BEND7: variants seen among roughly 807,000 people sequenced by gnomAD.
BEND7 encodes BEN domain-containing protein 7.
Under a neutral mutation model 50.9 loss-of-function variants are expected in BEND7, and 28 were observed. The ratio of observed to expected loss-of-function variants is 0.55; its 90% CI spans 0.41 to 0.75. The LOEUF is 0.75. BEND7 is among the 30% of genes least tolerant of loss of function. The probability of loss-of-function intolerance (pLI) is 0.00; values close to 1 mark genes in which losing one functional copy is unlikely to be tolerated. For missense variants in BEND7, 477 were observed against 491.3 expected (o/e 0.97, Z 0.28); for synonymous variants, 170 against 183.9 (o/e 0.92, Z 0.61).
At chr10:13,491,344 T>C (rs2076646309) in intron 5 of BEND7, among the ~76,000 whole-genome samples, 1 of 149,826 alleles carries the variant, frequency 6.7e-6, no homozygotes, top group Non-Finnish European at 1.5e-5. Flanking sequence ...GCTTAGAAAA[T>C]TTAAGGACTG....
At chr10:13,478,561 A>C (rs933844609) in intron 6 of BEND7, among the ~76,000 whole-genome samples, 1 of 150,596 alleles carries the variant, frequency 6.6e-6, no homozygotes, top group South Asian at 2.1e-4. Context: ...CTGATACCAC[A>C]TTCACATTTG....
chr10:13,509,687 T>C (rs1014711227), intron 2 of BEND7, among the ~76,000 whole-genome samples: 9 of 152,128 alleles, frequency 5.9e-5, no homozygotes, highest in Admixed American at 4.6e-4. Context: ...CACGCGCACT[T>C]TGGGGAGGAG....
chr10:13,492,579 T>C, intron 5 of BEND7, 32 bp downstream of exon 5: 8 of 1,611,846 alleles, frequency 5.0e-6, no homozygotes, highest in Non-Finnish European at 6.8e-6. Context: ...TTACATAGCA[T>C]TAGAGTCAGC....
At position 13,464,255 on chromosome 10, in the gene BEND7, C is replaced by G. The variant is rs1454044325; in HGVS notation, c.1064-11597G>C. Among the ~76,000 whole-genome samples, 3 of 152,182 alleles carry G rather than the reference C, an allele frequency of 2.0e-5. No homozygotes were observed. The East Asian group carries it at 5.8e-4, about 29-fold the overall frequency. On this transcript the variant is annotated intron_variant, in intron 6 of 8. Transcript: ENST00000466271. ...GGTGACAGGGAAAGAGAAAAGCCAG[C>G]CTCACTGTCTCTTACGAGAAGCCTG...
intron 5 of BEND7, among the ~76,000 whole-genome samples, chr10:13,485,282 G>A (rs2076143416): frequency 6.6e-6 from 1 of 152,110 alleles, no homozygotes; most frequent in South Asian, 2.1e-4. Flanking sequence ...ATTACAGTAA[G>A]ATACATAAAA....
chr10:13,528,175 C>G (rs890060719), intron 1 of BEND7, among the ~76,000 whole-genome samples: 3 of 152,270 alleles, frequency 2.0e-5, no homozygotes, highest in African/African-American at 2.4e-5. Context: ...CGCGGCCGCC[C>G]CAGCCCTGCC....
chr10:13,477,421 C>T (rs986789389), intron 6 of BEND7, among the ~76,000 whole-genome samples: 13 of 152,096 alleles, frequency 8.5e-5, no homozygotes, highest in African/African-American at 3.1e-4. Flanking sequence ...TATAAAGAAA[C>T]CATTTTATCA....
intron 6 of BEND7, among the ~76,000 whole-genome samples, chr10:13,474,553 T>TGCC (rs2075271538): frequency 7.6e-6 from 1 of 131,736 alleles, no homozygotes; most frequent in Admixed American, 7.4e-5. Flanking sequence ...GGACTCGGGT[T>TGCC]GATACCCGTC....
intron 6 of BEND7, among the ~76,000 whole-genome samples, chr10:13,454,242 C>T (rs1173238390): frequency 6.6e-6 from 1 of 152,136 alleles, no homozygotes; most frequent in Non-Finnish European, 1.5e-5. Flanking sequence ...GTGGAGCACC[C>T]ACATGGAGAT....
intron 5 of BEND7, among the ~76,000 whole-genome samples, chr10:13,483,693 G>C (rs1331976570): frequency 6.6e-6 from 1 of 152,150 alleles, no homozygotes; most frequent in Non-Finnish European, 1.5e-5. Flanking sequence ...CCATGTGTAG[G>C]AATCTGAAGG....
intron 6 of BEND7, among the ~76,000 whole-genome samples, chr10:13,472,121 G>A (rs1387111535): frequency 6.6e-6 from 1 of 152,138 alleles, no homozygotes; most frequent in East Asian, 1.9e-4. Context: ...TTAGACTTGG[G>A]GTTGATACCC....
At chr10:13,497,121 C>T (rs1246381529) in intron 3 of BEND7, among the ~76,000 whole-genome samples, 4 of 152,142 alleles carry the variant, frequency 2.6e-5, no homozygotes, top group Admixed American at 6.5e-5. Context: ...TGCTGTGGCG[C>T]GGTGCGGGAG....
At chr10:13,482,978 A>G (rs1021570123) in intron 5 of BEND7, among the ~76,000 whole-genome samples, 1 of 152,196 alleles carries the variant, frequency 6.6e-6, no homozygotes, top group Admixed American at 6.5e-5. Flanking sequence ...TGCACATCCT[A>G]TGCTGCATTT....
chr10:13,453,881 C>G (rs1380895232), intron 6 of BEND7, among the ~76,000 whole-genome samples: 1 of 152,150 alleles, frequency 6.6e-6, no homozygotes, highest in East Asian at 1.9e-4. Context: ...AACTGTTATA[C>G]CTTTGGACTG....
intron 6 of BEND7, among the ~76,000 whole-genome samples, chr10:13,461,571 A>T (rs1384765047): frequency 6.6e-6 from 1 of 152,180 alleles, no homozygotes; most frequent in Admixed American, 6.5e-5. Flanking sequence ...CGTCTCTACC[A>T]AAAATACAAA....
At chr10:13,466,203 G>A (rs1469699350) in intron 6 of BEND7, among the ~76,000 whole-genome samples, 1 of 151,194 alleles carries the variant, frequency 6.6e-6, no homozygotes, top group Non-Finnish European at 1.5e-5. Context: ...AAGCTTTAGT[G>A]TAATGATGTT....
intron 2 of BEND7, among the ~76,000 whole-genome samples, chr10:13,501,465 CACACT>C (rs2132245101): frequency 6.6e-6 from 1 of 150,584 alleles, no homozygotes; most frequent in South Asian, 2.1e-4. Flanking sequence ...CTATTTCAAA[CACACT>C]ATCTTCTTAA....
intron 5 of BEND7, among the ~76,000 whole-genome samples, chr10:13,483,390 G>A (rs968420832): frequency 3.3e-5 from 5 of 152,184 alleles, no homozygotes; most frequent in African/African-American, 1.2e-4. Context: ...GCTTAGCTGG[G>A]AGTTTGCATT....
chr10:13,516,660 G>C (rs1232137637), intron 2 of BEND7, among the ~76,000 whole-genome samples: 1 of 152,120 alleles, frequency 6.6e-6, no homozygotes, highest in Non-Finnish European at 1.5e-5. Flanking sequence ...TGGCGGTGAA[G>C]GATGCAGTGA....
Sources: gnomAD v4.1 joint callset for allele counts (sites outside exome capture counted in the v4.1 genomes callset) on GRCh38, gnomAD v4.1.1 for gene constraint, MANE v1.5 for transcripts, NCBI Gene and HGNC (gene_info 2026-07-23, HGNC 2026-07-21) for gene names.